Variants in SDK1 observed in about 807,000 individuals in gnomAD.
SDK1 encodes sidekick cell adhesion molecule 1.
Under a neutral mutation model 245.5 loss-of-function variants are expected in SDK1, and 157 were observed. That is an observed-to-expected ratio of 0.64 (90% confidence interval 0.56 to 0.73). SDK1 has a LOEUF of 0.73. Ranked by LOEUF, SDK1 falls within the 30% of genes least tolerant of loss-of-function variation. The pLI is 0.00. For missense variants in SDK1, 3,583 were observed against 3,002.3 expected (o/e 1.19, Z -4.52); for synonymous variants, 1,647 against 1,278.5 (o/e 1.29, Z -6.15).
At chr7:4,175,929 A>G in intron 34 of SDK1, 95 bp downstream of exon 34, 2 of 1,038,782 alleles carry the variant, frequency 1.9e-6, no homozygotes, top group Non-Finnish European at 3.0e-6. Flanking sequence ...ACCAGCCTGG[A>G]TTAATGGCTC....
chr7:3,754,223 C>A (rs956093675), intron 4 of SDK1, among the ~76,000 whole-genome samples: 2 of 152,104 alleles, frequency 1.3e-5, no homozygotes, highest in African/African-American at 2.4e-5. Context: ...GCTTCATACC[C>A]CAGGGATTTA....
chr7:3,480,844 G>T (rs534686653), intron 1 of SDK1, among the ~76,000 whole-genome samples: 22 of 152,332 alleles, frequency 1.4e-4, no homozygotes, highest in Admixed American at 5.9e-4. Flanking sequence ...GGAAAGAAAG[G>T]CAGCTTTGTT....
chr7:3,540,404 C>G (rs1291398301), intron 1 of SDK1, among the ~76,000 whole-genome samples: 4 of 152,028 alleles, frequency 2.6e-5, no homozygotes, highest in Non-Finnish European at 5.9e-5. Context: ...GATACTTCAT[C>G]TCAAAAACAA....
At chr7:3,550,054 C>G (rs1033931657) in intron 1 of SDK1, among the ~76,000 whole-genome samples, 1 of 151,940 alleles carries the variant, frequency 6.6e-6, no homozygotes, top group African/African-American at 2.4e-5. Context: ...TTTGTAAAAT[C>G]AATGTGAATA....
chr7:4,201,804 G>A (rs1477159520), intron 35 of SDK1, among the ~76,000 whole-genome samples: 1 of 152,244 alleles, frequency 6.6e-6, no homozygotes, highest in African/African-American at 2.4e-5. Flanking sequence ...GCACAGGGAG[G>A]CTTTGGCAAC....
rs770741479 is a variant in SDK1 at position 4,220,174 on chromosome 7, C to T, written c.5605C>T (p.Leu1869Phe). Reference sequence around the variant, plus strand: ...GCAGCGCTGGCTGAAGGTGCGGGACCTCACCAAGGGAGTGACCTATTTCTT... The same window carrying T: ...GCAGCGCTGGCTGAAGGTGCGGGACTTCACCAAGGGAGTGACCTATTTCTT... Reference protein sequence around the residue: ...NWQRWLKVRDLTKGVTYFFRV... With the variant: ...NWQRWLKVRDFTKGVTYFFRV... Residue 1869 changes from leucine (L) to phenylalanine (F), a missense_variant, in exon 39 of 45, where the codon CTC (leucine) becomes TTC (phenylalanine). Transcript: ENST00000404826. 1 of 1,614,070 alleles carries T rather than the reference C, an allele frequency of 6.2e-7. No individual in the cohort carries two copies.
intron 1 of SDK1, among the ~76,000 whole-genome samples, chr7:3,547,255 C>G (rs1333090237): frequency 6.6e-6 from 1 of 152,100 alleles, no homozygotes; most frequent in East Asian, 1.9e-4. Context: ...TGGATAAAAA[C>G]TGTAATTTAA....
intron 38 of SDK1, among the ~76,000 whole-genome samples, chr7:4,211,437 C>T (rs995675101): frequency 6.6e-6 from 1 of 151,138 alleles, no homozygotes; most frequent in African/African-American, 2.4e-5. Context: ...GGTGCGGGGG[C>T]AGGGGAGGAG....
intron 35 of SDK1, among the ~76,000 whole-genome samples, chr7:4,201,104 G>A (rs138234170): frequency 6.2e-4 from 95 of 152,330 alleles, no homozygotes; most frequent in African/African-American, 2.2e-3. Context: ...GCCCAGACAC[G>A]GGGCTCTGCA....
At position 4,215,654 on chromosome 7, in the gene SDK1, G is replaced by C. The variant is rs529252018; in HGVS notation, c.5540-4455G>C. ...CGGCCAAAGGACTGCCCCGCGGTACGGGAGCTGGTTTGGTGGTGGTGGTTT... is the reference window on the plus strand; with the variant it reads ...CGGCCAAAGGACTGCCCCGCGGTACCGGAGCTGGTTTGGTGGTGGTGGTTT... On this transcript the variant is annotated intron_variant, in intron 38 of 44. Coordinates refer to ENST00000404826, the MANE Select transcript of SDK1 (RefSeq NM_152744.4). Among the ~76,000 whole-genome samples the C allele has an allele frequency of 3.8e-4, 58 of 152,324 alleles. 1 individual carries two copies. Among genetic ancestry groups the C allele is most frequent in the African/African-American group, 1.3e-3 (52 of 41,568 alleles).
At chr7:3,453,873 T>C (rs1780596770) in intron 1 of SDK1, among the ~76,000 whole-genome samples, 1 of 152,200 alleles carries the variant, frequency 6.6e-6, no homozygotes, top group African/African-American at 2.4e-5. Context: ...TTTTTTTTAA[T>C]GGCACTGAGA....
chr7:3,780,009 C>G (rs1780682699), intron 4 of SDK1, among the ~76,000 whole-genome samples: 1 of 151,604 alleles, frequency 6.6e-6, no homozygotes, highest in Non-Finnish European at 1.5e-5. Flanking sequence ...AAGCCTCAGT[C>G]TCTACTCCCC....
intron 1 of SDK1, among the ~76,000 whole-genome samples, chr7:3,373,241 C>T (rs540503779): frequency 6.6e-6 from 1 of 152,166 alleles, no homozygotes; most frequent in African/African-American, 2.4e-5. Context: ...GGCAGAATCA[C>T]CTAACACGAA....
chr7:4,168,722 G>T (rs891117164), intron 32 of SDK1, among the ~76,000 whole-genome samples: 2 of 152,214 alleles, frequency 1.3e-5, no homozygotes, highest in African/African-American at 2.4e-5. Flanking sequence ...GCTGCTGCAG[G>T]TCTATTCTGG....
Position 3,723,891 on chromosome 7 carries a change from CACGTGTATATACACGTACATATAT to C in SDK1, c.713+81788_713+81811del, listed in dbSNP as rs1562397571. ...GTATATACACGTACATATATATATACACGTGTATATACACGTACATATATATATACACGTATATATATATATATA... is the reference window on the plus strand; with the variant it reads ...GTATATACACGTACATATATATATACATATACACGTATATATATATATATA... On this transcript the variant is annotated intron_variant, in intron 4 of 44. Coordinates refer to ENST00000404826, the MANE Select transcript of SDK1 (RefSeq NM_152744.4). Among the ~76,000 whole-genome samples the C allele has an allele frequency of 3.9e-4, 51 of 129,864 alleles. 5 individuals carry two copies. Among genetic ancestry groups the C allele is most frequent in the African/African-American group, 1.5e-3 (45 of 30,796 alleles). The allele number at this position is 129,864 out of a possible 152,430, so 85.2% of individuals were successfully genotyped here.
At chr7:3,463,348 T>G (rs1430907562) in intron 1 of SDK1, among the ~76,000 whole-genome samples, 2 of 151,092 alleles carry the variant, frequency 1.3e-5, no homozygotes, top group East Asian at 3.9e-4. Context: ...ACTCACATAT[T>G]CATGAATGAA....
intron 1 of SDK1, among the ~76,000 whole-genome samples, chr7:3,362,357 T>C (rs1446204611): frequency 1.3e-5 from 2 of 152,214 alleles, no homozygotes; most frequent in African/African-American, 4.8e-5. Flanking sequence ...ATCTAACACC[T>C]GTTTGAATCT....
At chr7:3,661,422 G>C (rs893218940) in intron 4 of SDK1, among the ~76,000 whole-genome samples, 6 of 152,172 alleles carry the variant, frequency 3.9e-5, no homozygotes, top group African/African-American at 1.4e-4. Context: ...GCTTATCTCT[G>C]ATCCTCTGTT....
At chr7:4,188,324 C>T (rs1025514651) in intron 35 of SDK1, among the ~76,000 whole-genome samples, 6 of 152,286 alleles carry the variant, frequency 3.9e-5, no homozygotes, top group Admixed American at 6.5e-5. Flanking sequence ...TGGGCATTTA[C>T]AAGAAATAGC....
Sources: gnomAD v4.1 joint callset for allele counts (sites outside exome capture counted in the v4.1 genomes callset) on GRCh38, gnomAD v4.1.1 for gene constraint, MANE v1.5 for transcripts, NCBI Gene and HGNC (gene_info 2026-07-23, HGNC 2026-07-21) for gene names.